Variants in ACLY observed in about 807,000 individuals in gnomAD.
ACLY encodes ATP-citrate synthase.
In ACLY, 41 loss-of-function variants were observed where a neutral mutation model predicts 133.0. That is an observed-to-expected ratio of 0.31 (90% CI 0.24 to 0.40). ACLY has a LOEUF of 0.40. Among genes scored for constraint, ACLY ranks in the 10% least tolerant of loss-of-function variants. The pLI is 1.00. For synonymous variants in ACLY, 495 were observed against 549.3 expected, an observed-to-expected ratio of 0.90 and a Z score of 1.38; for missense variants, 1,046 against 1,453.8, an observed-to-expected ratio of 0.72 and a Z score of 4.56.
At chr17:41,920,652 A>G (rs1555635312), upstream of ACLY, among the ~76,000 whole-genome samples, 1 of 151,850 alleles carries the variant, frequency 6.6e-6, no homozygotes, top group African/African-American at 2.4e-5. Flanking sequence ...CATGCCTGTA[A>G]TCCCAGAATT....
intron 20 of ACLY, among the ~76,000 whole-genome samples, chr17:41,879,468 A>T (rs1555626814): frequency 8.0e-6 from 1 of 125,568 alleles, no homozygotes; most frequent in Non-Finnish European, 1.6e-5. Context: ...CCCAGGCAGG[A>T]GTAAAGTGAT....
intron 25 of ACLY, among the ~76,000 whole-genome samples, chr17:41,871,290 G>A (rs1428898368): frequency 1.3e-5 from 2 of 151,864 alleles, no homozygotes; most frequent in African/African-American, 4.8e-5. Flanking sequence ...TGAAAGCTTA[G>A]GTATTCTCCC....
rs533387140 is a variant in ACLY at position 41,889,524 on chromosome 17, C to CAAAAAAAAAAAAAA, written c.1771-1835_1771-1822dup. Among the ~76,000 whole-genome samples, 166 of 31,606 alleles carry CAAAAAAAAAAAAAA rather than the reference C, an allele frequency of 5.3e-3. 51 individuals carry two copies. The highest frequency in any genetic ancestry group is 7.7e-3 in the African/African-American group (45 of 5,844). 20.7% of individuals were successfully genotyped at this position (31,606 alleles called of 152,430 possible). On this transcript the variant is annotated intron_variant, in intron 16 of 28. Transcript: ENST00000352035. ...GGTGATGGAGAAAGGCTCCATTTCA[C>CAAAAAAAAAAAAAA]AAAAAAAAAAAAAAAAAAAAAAAAA...
intron 1 of ACLY, among the ~76,000 whole-genome samples, chr17:41,917,670 T>A (rs2050086417): frequency 6.6e-6 from 1 of 152,156 alleles, no homozygotes; most frequent in South Asian, 2.1e-4. Context: ...TTATTTATTT[T>A]TTGAGAAGAC....
intron 1 of ACLY, among the ~76,000 whole-genome samples, chr17:41,925,248 C>T (rs752551248): frequency 1.3e-5 from 2 of 150,884 alleles, no homozygotes; most frequent in African/African-American, 2.4e-5. Flanking sequence ...CCACCCTGGG[C>T]GACAGAGCGA....
At position 41,909,646 on chromosome 17, in the gene ACLY, A is replaced by G; in HGVS notation, c.400T>C (p.Phe134Leu). Residue 134 changes from phenylalanine (F) to leucine (L), a missense_variant, in exon 5 of 29, where the codon TTC (phenylalanine) becomes CTC (leucine). Phe to Leu is a conservative substitution (Grantham distance 22). Around this residue, in one of 4 missense-constraint regions of ACLY, gnomAD observed 227 missense variants for 245.6 expected, o/e 0.92. Coordinates refer to ENST00000352035, the MANE Select transcript of ACLY (RefSeq NM_001096.3). ...ACGTCCACACCCCCCTCGTGGTGGA[A>G]CAGGACGTAGTCCCCTTCTCGGGTG... Reference protein sequence around the residue: ...YATREGDYVLFHHEGGVDVGD... With the variant: ...YATREGDYVLLHHEGGVDVGD... 1 of 1,614,094 alleles carries G rather than the reference A, an allele frequency of 6.2e-7. No individual in the cohort carries two copies. The highest frequency in any genetic ancestry group is 8.5e-7 in the Non-Finnish European group (1 of 1,180,014).
rs782445117 is a variant in ACLY at position 41,901,724 on chromosome 17, C to T, written c.1155G>A (p.Gln385=). The change falls in exon 11 of 29, where the codon CAG becomes CAA. Residue 385 remains glutamine, a synonymous_variant. Transcript: ENST00000352035. ...IFVRRGGPNY[Q]EGLRVMGEVG... ...CTTCTCCCATCACCCGTAAGCCCTC[C>T]TGATAGTTGGGGCCACCTCTTCGGA... 3 of 1,611,110 alleles carry T rather than the reference C, an allele frequency of 1.9e-6. No homozygotes were observed. In the African/African-American group the frequency reaches 4.0e-5, roughly 22 times the overall value.
In ACLY at chr17:41,878,874, T is replaced by C. The variant is rs2048831336; in HGVS notation, c.2316A>G (p.Ala772=). 2 of 1,614,118 alleles carry C rather than the reference T, an allele frequency of 1.2e-6. No individual in the cohort carries two copies. Among genetic ancestry groups the C allele is most frequent in the Non-Finnish European group, 1.7e-6 (2 of 1,180,000 alleles). ...GACANQASET[A]VAKNQALKEA... is the part of the protein sequence containing the mutation. ...CCTTCAAAGCCTGGTTCTTGGCTAC[T>C]GCAGTTTCAGAAGCCTGGTTGGCAC... The change falls in exon 21 of 29, where the codon GCA becomes GCG. Residue 772 remains alanine (A), a synonymous_variant. Transcript: ENST00000352035.
At chr17:41,884,564 G>A (rs781806657) in intron 18 of ACLY, among the ~76,000 whole-genome samples, 56 of 152,158 alleles carry the variant, frequency 3.7e-4, no homozygotes, top group Non-Finnish European at 5.3e-4. Context: ...TAGAAAGTAC[G>A]CCCTGGTGCA....
chr17:41,904,606 C>A, intron 10 of ACLY, 123 bp downstream of exon 10: 1 of 887,570 alleles, frequency 1.1e-6, no homozygotes, highest in Non-Finnish European at 1.8e-6. Flanking sequence ...GGGGCAAGAG[C>A]TCCCTACCTG....
chr17:41,926,917 G>A (rs2050250453), intron 1 of ACLY, among the ~76,000 whole-genome samples: 1 of 151,908 alleles, frequency 6.6e-6, no homozygotes, highest in African/African-American at 2.4e-5. Context: ...TGCCCAGGCT[G>A]GAGTGCAATG....
chr17:41,912,336 G>T, intron 3 of ACLY, 84 bp downstream of exon 3: 1 of 1,529,628 alleles, frequency 6.5e-7, no homozygotes, highest in Non-Finnish European at 8.9e-7. Context: ...GGCTGTGGGG[G>T]TGATCCACAG....
intron 22 of ACLY, 80 bp from the exon 23 acceptor site, chr17:41,874,045 T>C: frequency 7.4e-7 from 1 of 1,356,984 alleles, no homozygotes; most frequent in Non-Finnish European, 9.7e-7. Context: ...CTGTGTGTAC[T>C]CTCAGAACCA....
chr17:41,906,792 G>T, intron 7 of ACLY, 146 bp from the exon 8 acceptor site: 1 of 706,258 alleles, frequency 1.4e-6, no homozygotes, highest in Non-Finnish European at 2.5e-6. Flanking sequence ...GGCCCCACAT[G>T]CCTTGAAGAC....
intron 1 of ACLY, among the ~76,000 whole-genome samples, chr17:41,916,089 A>T (rs538588841): frequency 6.6e-6 from 1 of 152,342 alleles, no homozygotes; most frequent in East Asian, 1.9e-4. Flanking sequence ...GACCCAGATC[A>T]AATTTCAGGT....
At chr17:41,890,976 A>T (rs1008727923) in intron 16 of ACLY, among the ~76,000 whole-genome samples, 3 of 152,138 alleles carry the variant, frequency 2.0e-5, no homozygotes, top group African/African-American at 7.2e-5. Flanking sequence ...TCTCAAAAAA[A>T]AAAAATAAAT....
At chr17:41,919,036 C>G (rs1555635052), upstream of ACLY, 1 of 1,283,800 alleles carries the variant, frequency 7.8e-7, no homozygotes, top group East Asian at 5.7e-5. Context: ...GAGAACGGCC[C>G]CGCGATTGGC....
intron 28 of ACLY, 94 bp downstream of exon 28, chr17:41,868,615 A>T: frequency 1.8e-6 from 1 of 542,806 alleles, no homozygotes; most frequent in Non-Finnish European, 2.8e-6. Flanking sequence ...AAAAAAAAAA[A>T]GAAAGAAAAA....
rs1340065098 is a variant in ACLY at position 41,868,612 on chromosome 17, A to AG, written c.3211+96_3211+97insC. ...ACAAAAAGAAAATTAAAAAAAAAAA[A>AG]AAAGAAAGAAAAAGAAACTCAACCC... is the stretch of plus-strand genomic sequence containing the variant. On this transcript the variant is annotated intron_variant, in intron 28 of 28. Coordinates refer to ENST00000352035, the MANE Select transcript of ACLY (RefSeq NM_001096.3). The AG allele has an allele frequency of 5.4e-6, 4 of 734,976 alleles. No individual in the cohort carries two copies. The African/African-American group carries it at 8.6e-5, about 16-fold the overall frequency. The allele number at this position is 734,976 out of a possible 1,614,324, so 45.5% of individuals were successfully genotyped here. A position where few individuals can be genotyped will look rare whatever the true frequency, so the allele number is the denominator to read the frequency against.
Sources: gnomAD v4.1 joint callset for allele counts (sites outside exome capture counted in the v4.1 genomes callset) on GRCh38, gnomAD v4.1.1 for gene constraint, gnomAD v4.1.1 regional missense constraint, MANE v1.5 for transcripts, NCBI Gene and HGNC (gene_info 2026-07-23, HGNC 2026-07-21) for gene names.